Variants in RAB7A observed in about 807,000 individuals in gnomAD.
The protein encoded by RAB7A is ras-related protein Rab-7a.
In RAB7A, 2 loss-of-function variants were observed where a neutral mutation model predicts 24.5. The ratio of observed to expected loss-of-function variants is 0.08; its 90% CI spans 0.03 to 0.26. The LOEUF (loss-of-function observed/expected upper bound fraction) is 0.26, where lower values mean the gene tolerates loss of function less well. Among genes scored for constraint, RAB7A ranks in the 10% least tolerant of loss-of-function variants. The pLI is 1.00. For missense variants in RAB7A, 118 were observed against 255.7 expected (o/e 0.46, Z 3.67); for synonymous variants, 100 against 95.9 (o/e 1.04, Z -0.25).
intron 5 of RAB7A, among the ~76,000 whole-genome samples, chr3:128,808,619 A>T (rs1159420391): frequency 6.6e-6 from 1 of 152,208 alleles, no homozygotes; most frequent in African/African-American, 2.4e-5. Context: ...ATTAGATACA[A>T]CCACTCATGC....
intron 1 of RAB7A, among the ~76,000 whole-genome samples, chr3:128,763,188 TTA>T (rs765866649): frequency 0.019 from 1,541 of 82,010 alleles, 46 homozygotes; most frequent in African/African-American, 0.04. Flanking sequence ...TACATTTAGC[TTA>T]TATATATATA....
At chr3:128,780,438 G>A (rs1261049137) in intron 1 of RAB7A, among the ~76,000 whole-genome samples, 1 of 152,134 alleles carries the variant, frequency 6.6e-6, no homozygotes, top group Non-Finnish European at 1.5e-5. Flanking sequence ...TAGCCACTGA[G>A]GTTTCCAGTT....
chr3:128,727,916 TAAAGCTTA>T (rs2070396601), intron 1 of RAB7A, among the ~76,000 whole-genome samples: 2 of 152,186 alleles, frequency 1.3e-5, no homozygotes, highest in Non-Finnish European at 2.9e-5. Context: ...CCGGCTAAGT[TAAAGCTTA>T]GCGTTCACAA....
At chr3:128,778,319 C>G (rs1249017998) in intron 1 of RAB7A, among the ~76,000 whole-genome samples, 1 of 152,076 alleles carries the variant, frequency 6.6e-6, no homozygotes, top group Admixed American at 6.5e-5. Flanking sequence ...CATTATTGTA[C>G]CTCTCTTTTA....
At position 128,779,503 on chromosome 3, in the gene RAB7A, T is replaced by C. The variant is rs183724439; in HGVS notation, c.-8-15857T>C. Among the ~76,000 whole-genome samples, 6 of 140,672 alleles carry C rather than the reference T, an allele frequency of 4.3e-5. No individual in the cohort carries two copies. In the East Asian group the frequency reaches 1.3e-3, roughly 31 times the overall value. The allele number at this position is 140,672 out of a possible 152,430, so 92.3% of individuals were successfully genotyped here. A position where few individuals can be genotyped will look rare whatever the true frequency, so the allele number is the denominator to read the frequency against. On this transcript the variant is annotated intron_variant, in intron 1 of 5. Coordinates refer to ENST00000265062, the MANE Select transcript of RAB7A (RefSeq NM_004637.6). ...CACCATTTCTAAATACATAGAATTG[T>C]AACCATAAGAGGTCCATTACCTGAT...
intron 1 of RAB7A, among the ~76,000 whole-genome samples, chr3:128,773,324 C>A (rs868666019): frequency 6.6e-6 from 1 of 151,684 alleles, no homozygotes; most frequent in Non-Finnish European, 1.5e-5. Flanking sequence ...GCCCGGCAGC[C>A]GCCCCATCTG....
Position 128,773,245 on chromosome 3 carries a change from G to A in RAB7A, c.-8-22115G>A, listed in dbSNP as rs1181127087. On this transcript the variant is annotated intron_variant, in intron 1 of 5. Transcript: ENST00000265062. ...TGAGGAGCCCCTCCGCCCGGCAGCC[G>A]CCCCATCTGAGAAGTGAGGAGCCCC... 6.1e-5 allele frequency among the ~76,000 whole-genome samples: 9 copies of A among 148,174 alleles called. No individual in the cohort carries two copies. The East Asian group carries it at 6.1e-4, about 10-fold the overall frequency.
intron 3 of RAB7A, among the ~76,000 whole-genome samples, chr3:128,805,621 T>C (rs552811638): frequency 2.0e-5 from 3 of 152,332 alleles, no homozygotes; most frequent in African/African-American, 7.2e-5. Context: ...AAATGAAATA[T>C]AACATGCTAA....
At chr3:128,810,051 C>T (rs1183570263) in intron 5 of RAB7A, among the ~76,000 whole-genome samples, 14 of 145,770 alleles carry the variant, frequency 9.6e-5, no homozygotes, top group African/African-American at 2.8e-4. Flanking sequence ...CAGGTTCAAG[C>T]GGTTCTCCTG....
chr3:128,744,998 C>T (rs879839837), intron 1 of RAB7A, among the ~76,000 whole-genome samples: 10 of 151,536 alleles, frequency 6.6e-5, no homozygotes, highest in Non-Finnish European at 1.3e-4. Context: ...CTCAGCATCC[C>T]GAGTAGCTGG....
chr3:128,764,648 C>G (rs2070810628), intron 1 of RAB7A: 22 of 977,332 alleles, frequency 2.3e-5, no homozygotes, highest in Non-Finnish European at 3.3e-5. Flanking sequence ...TCATTTTTGT[C>G]AGTGGCTAGT....
At position 128,754,742 on chromosome 3, in the gene RAB7A, C is replaced by T. The variant is rs76065942; in HGVS notation, c.-9+28383C>T. Among the ~76,000 whole-genome samples, 665 of 152,184 alleles carry T rather than the reference C, an allele frequency of 4.4e-3. 2 individuals are homozygous for T. The highest frequency in any genetic ancestry group is 0.014 in the African/African-American group (587 of 41,522). On this transcript the variant is annotated intron_variant, in intron 1 of 5. Coordinates refer to ENST00000265062, the MANE Select transcript of RAB7A (RefSeq NM_004637.6). ...TCTTCATATAGTAACCAAAAGAGAT[C>T]GGGGTTGCTACACTAATATCAGACA...
chr3:128,727,718 G>A (rs1473993611), intron 1 of RAB7A, among the ~76,000 whole-genome samples: 2 of 152,200 alleles, frequency 1.3e-5, no homozygotes, highest in East Asian at 3.8e-4. Context: ...TGCATCTTTG[G>A]TTTCCTAAAG....
At chr3:128,792,476 AGCTCACT>A (rs1933476681) in intron 1 of RAB7A, among the ~76,000 whole-genome samples, 1 of 150,166 alleles carries the variant, frequency 6.7e-6, no homozygotes, top group Admixed American at 6.6e-5. Flanking sequence ...GTGTGATCTC[AGCTCACT>A]GCAACCTCTG....
chr3:128,764,611 GTC>G, intron 1 of RAB7A: 1 of 1,350,698 alleles, frequency 7.4e-7, no homozygotes, highest in Non-Finnish European at 1.0e-6. Context: ...CAGGTAACAT[GTC>G]TCAATGAAGT....
intron 1 of RAB7A, among the ~76,000 whole-genome samples, chr3:128,737,607 A>T (rs2070502780): frequency 6.6e-6 from 1 of 150,588 alleles, no homozygotes; most frequent in South Asian, 2.1e-4. Context: ...CAGCCTCCCA[A>T]GGTGCTGGGA....
chr3:128,748,792 T>C (rs1291565029), intron 1 of RAB7A: 1 of 152,234 alleles, frequency 6.6e-6, no homozygotes, highest in Non-Finnish European at 1.5e-5. Flanking sequence ...TGAGGCTTTC[T>C]AGTTCTGAGG....
In RAB7A at chr3:128,784,360, A is replaced by G. The variant is rs544478223; in HGVS notation, c.-8-11000A>G. Among the ~76,000 whole-genome samples the G allele has an allele frequency of 2.2e-4, 33 of 152,120 alleles. No individual in the cohort carries two copies. The South Asian group carries it at 4.0e-3, about 18-fold the overall frequency. On this transcript the variant is annotated intron_variant, in intron 1 of 5. Coordinates refer to ENST00000265062, the MANE Select transcript of RAB7A (RefSeq NM_004637.6). ...CATACCCATCCCAATCCAATCCATCACTAGATGCCATCCACCTTTACTTTC... is the reference window on the plus strand; with the variant it reads ...CATACCCATCCCAATCCAATCCATCGCTAGATGCCATCCACCTTTACTTTC...
chr3:128,753,374 A>G (rs990868983), intron 1 of RAB7A, among the ~76,000 whole-genome samples: 1 of 123,284 alleles, frequency 8.1e-6, no homozygotes, highest in South Asian at 3.0e-4. Context: ...AGGGGGGGGA[A>G]AAAGAATGTA....
Sources: gnomAD v4.1 joint callset for allele counts (sites outside exome capture counted in the v4.1 genomes callset) on GRCh38, gnomAD v4.1.1 for gene constraint, MANE v1.5 for transcripts, NCBI Gene and HGNC (gene_info 2026-07-23, HGNC 2026-07-21) for gene names.